The following UNC13C variants were observed in gnomAD, a reference collection of about 807,000 sequenced individuals.
UNC13C encodes the protein unc-13 homolog C.
UNC13C carries 174 observed loss-of-function variants against 245.4 expected under a neutral mutation model. The ratio of observed to expected loss-of-function variants is 0.71; its 90% CI spans 0.63 to 0.80. UNC13C has a LOEUF of 0.80. UNC13C is among the 30% of genes least tolerant of loss of function. UNC13C has a pLI of 0.00. For missense variants in UNC13C, 2,829 were observed against 2,602.9 expected (o/e 1.09, Z -1.89); for synonymous variants, 992 against 895.1 (o/e 1.11, Z -1.93).
intron 8 of UNC13C, among the ~76,000 whole-genome samples, chr15:54,261,352 GT>G (rs1400356859): frequency 6.6e-6 from 1 of 152,138 alleles, no homozygotes; most frequent in African/African-American, 2.4e-5. Flanking sequence ...TTAAGAAAGA[GT>G]TTCATTAGAA....
intron 1 of UNC13C, among the ~76,000 whole-genome samples, 151 bp from the exon 2 acceptor site, chr15:54,012,497 A>T (rs909340209): frequency 1.1e-4 from 16 of 152,236 alleles, no homozygotes; most frequent in African/African-American, 3.9e-4. Flanking sequence ...AGTTATTTTA[A>T]AAGTAAATTT....
At position 54,043,817 on chromosome 15, in the gene UNC13C, C is replaced by T. The variant is rs150095528; in HGVS notation, c.2983+27931C>T. On this transcript the variant is annotated intron_variant, in intron 2 of 32. Coordinates refer to ENST00000260323, the MANE Select transcript of UNC13C (RefSeq NM_001080534.3). The stretch of plus-strand genomic sequence containing the variant: ...TTGGGTCCTGGTTTGATAGATGGCT[C>T]TATTGACAGGTGGCATTATTAAAGA... Among the ~76,000 whole-genome samples the T allele has an allele frequency of 2.3e-3, 354 of 152,286 alleles. 3 individuals are homozygous for T. Among genetic ancestry groups the T allele is most frequent in the African/African-American group, 8.0e-3 (332 of 41,560 alleles).
intron 4 of UNC13C, among the ~76,000 whole-genome samples, chr15:54,223,485 G>C (rs930810507): frequency 2.0e-5 from 3 of 152,004 alleles, no homozygotes; most frequent in Admixed American, 6.6e-5. Flanking sequence ...TGCTATTTTG[G>C]TTACTGTAGC....
rs530610693 is a variant in UNC13C, at chr15:54,266,237, G to A, written c.3818+741G>A. 1.3e-4 allele frequency among the ~76,000 whole-genome samples: 20 copies of A among 152,046 alleles called. 1 individual carries two copies. Among genetic ancestry groups the A allele is most frequent in the African/African-American group, 4.8e-4 (20 of 41,556 alleles). On this transcript the variant is annotated intron_variant, in intron 10 of 32. Coordinates refer to ENST00000260323, the MANE Select transcript of UNC13C (RefSeq NM_001080534.3). The stretch of plus-strand genomic sequence containing the variant: ...CTTATTTGGGAATGTGGGCAATATT[G>A]TGTAAGAAGTAGAGTTTCTTGCATA...
chr15:54,403,715 CAAAAAAAAAAAAA>C (rs771818988), intron 18 of UNC13C, among the ~76,000 whole-genome samples: 3 of 56,870 alleles, frequency 5.3e-5, no homozygotes, highest in Non-Finnish European at 9.3e-5. Context: ...GAACCTGTCT[CAAAAAAAAAAAAA>C]AAAAAAAAAA....
chr15:54,451,997 G>A (rs1891206727), intron 19 of UNC13C, among the ~76,000 whole-genome samples: 1 of 152,242 alleles, frequency 6.6e-6, no homozygotes, highest in Admixed American at 6.5e-5. Context: ...GCATGCAGTA[G>A]TGTATTATTT....
chr15:53,880,458 G>T, the UNC13C span, among the ~76,000 whole-genome samples: 1 of 152,208 alleles, frequency 6.6e-6, no homozygotes, highest in Non-Finnish European at 1.5e-5. Flanking sequence ...TACACGTTTG[G>T]TTTTCAAAGA....
rs138532573 is a variant in UNC13C, at chr15:54,445,363, T to C, written c.4933+30296T>C. Among the ~76,000 whole-genome samples, 45 of 152,306 alleles carry C rather than the reference T, an allele frequency of 3.0e-4. No homozygotes were observed. The East Asian group carries it at 8.1e-3, about 27-fold the overall frequency. ...GGATGGCTGAGTCAAATGGTATTTC[T>C]AGGGAATGGGCACACTGTCTTCTAC... On this transcript the variant is annotated intron_variant, in intron 19 of 32. Coordinates refer to ENST00000260323, the MANE Select transcript of UNC13C (RefSeq NM_001080534.3).
chr15:54,352,349 TATATAG>T (rs1430462516), intron 17 of UNC13C, among the ~76,000 whole-genome samples: 5 of 142,398 alleles, frequency 3.5e-5, no homozygotes, highest in Non-Finnish European at 6.0e-5. Flanking sequence ...TGTATATATA[TATATAG>T]AGAGAGAGAG....
intron 13 of UNC13C, among the ~76,000 whole-genome samples, chr15:54,303,210 TAG>T (rs1202064357): frequency 6.6e-6 from 1 of 152,142 alleles, no homozygotes; most frequent in Non-Finnish European, 1.5e-5. Flanking sequence ...TCAACCATAA[TAG>T]AGTCTGTGAT....
At chr15:54,110,741 C>G (rs1447309956) in intron 2 of UNC13C, among the ~76,000 whole-genome samples, 1 of 151,988 alleles carries the variant, frequency 6.6e-6, no homozygotes, top group Non-Finnish European at 1.5e-5. Flanking sequence ...TTCTTTGGTA[C>G]CAAATATAAT....
At chr15:54,541,171 A>G (rs1896226033) in intron 26 of UNC13C, among the ~76,000 whole-genome samples, 1 of 152,130 alleles carries the variant, frequency 6.6e-6, no homozygotes, top group Admixed American at 6.6e-5. Flanking sequence ...GGGCTTTTAC[A>G]TACACAGTGT....
intron 20 of UNC13C, among the ~76,000 whole-genome samples, chr15:54,498,478 A>T (rs1894052128): frequency 6.6e-6 from 1 of 152,138 alleles, no homozygotes; most frequent in Non-Finnish European, 1.5e-5. Flanking sequence ...ATTTTGAATT[A>T]AGTGCTAATA....
intron 10 of UNC13C, among the ~76,000 whole-genome samples, chr15:54,281,142 T>C (rs929931478): frequency 1.3e-5 from 2 of 152,202 alleles, no homozygotes; most frequent in Admixed American, 6.6e-5. Context: ...CATATACTTA[T>C]ACAGACTGAC....
At position 54,500,159 on chromosome 15, in the gene UNC13C, G is replaced by T. The variant is rs757803843; in HGVS notation, c.5141G>T (p.Arg1714Ile). 4 of 1,608,674 alleles carry T rather than the reference G, an allele frequency of 2.5e-6. No homozygotes were observed. The Admixed American group carries it at 5.1e-5, about 20-fold the overall frequency. The change falls in exon 21 of 33, where the codon AGA becomes ATA. Residue 1714 changes from arginine (R) to isoleucine (I), a missense_variant. Coordinates refer to ENST00000260323, the MANE Select transcript of UNC13C (RefSeq NM_001080534.3). ...SMEFLHGALG[R>I]DKKDGFQQTS... The stretch of plus-strand genomic sequence containing the variant: ...GAATTCCTTCATGGAGCACTGGGAA[G>T]AGACAAAAAAGATGGAGTGAGTTTA...
At chr15:54,588,958 T>C (rs1256855695) in intron 30 of UNC13C, among the ~76,000 whole-genome samples, 1 of 152,222 alleles carries the variant, frequency 6.6e-6, no homozygotes, top group Non-Finnish European at 1.5e-5. Flanking sequence ...TGTGCAAGTA[T>C]CTTTTTCAAA....
At chr15:54,379,752 T>C (rs1490496785) in intron 17 of UNC13C, among the ~76,000 whole-genome samples, 2 of 152,186 alleles carry the variant, frequency 1.3e-5, no homozygotes, top group Non-Finnish European at 2.9e-5. Flanking sequence ...GCTGTGAATA[T>C]TGGCCCCAAT....
At chr15:54,386,196 G>C (rs2039833275) in intron 17 of UNC13C, among the ~76,000 whole-genome samples, 1 of 152,122 alleles carries the variant, frequency 6.6e-6, no homozygotes, top group African/African-American at 2.4e-5. Flanking sequence ...GCAGTTAAGA[G>C]GATGTGGAAA....
chr15:54,057,601 C>T (rs191174827), intron 2 of UNC13C, among the ~76,000 whole-genome samples: 2 of 152,248 alleles, frequency 1.3e-5, no homozygotes, highest in Admixed American at 6.5e-5. Flanking sequence ...CAGCTCTGCA[C>T]CAAGTGGACC....
Sources: gnomAD v4.1 joint callset for allele counts (sites outside exome capture counted in the v4.1 genomes callset) on GRCh38, gnomAD v4.1.1 for gene constraint, MANE v1.5 for transcripts, NCBI Gene and HGNC (gene_info 2026-07-23, HGNC 2026-07-21) for gene names.